PRKAG2: variants seen among roughly 807,000 people sequenced by gnomAD.
PRKAG2 encodes 5'-AMP-activated protein kinase subunit gamma-2.
In PRKAG2, 26 loss-of-function variants were observed where a neutral mutation model predicts 69.6. The observed-to-expected ratio is 0.37, with a 90% CI of 0.27 to 0.52. PRKAG2 has a LOEUF of 0.52. PRKAG2 is among the 20% of genes least tolerant of loss of function. The probability of loss-of-function intolerance (pLI) is 0.90; values close to 1 mark genes in which losing one functional copy is unlikely to be tolerated. For missense variants in PRKAG2, 557 were observed against 740.0 expected (o/e 0.75, Z 2.87); for synonymous variants, 293 against 285.0 (o/e 1.03, Z -0.28).
chr7:151,758,003 G>A (rs187758959), intron 3 of PRKAG2, among the ~76,000 whole-genome samples: 2 of 152,362 alleles, frequency 1.3e-5, no homozygotes, highest in East Asian at 3.9e-4. Context: ...TCTCAGTGCT[G>A]TAAATCTTCC....
intron 3 of PRKAG2, among the ~76,000 whole-genome samples, chr7:151,767,817 C>T (rs1408617783): frequency 4.6e-5 from 7 of 152,222 alleles, no homozygotes; most frequent in Non-Finnish European, 1.0e-4. Flanking sequence ...CTTAGACCTG[C>T]TCAAAGGAAG....
At chr7:151,728,432 T>C (rs892800647) in intron 3 of PRKAG2, among the ~76,000 whole-genome samples, 1 of 151,976 alleles carries the variant, frequency 6.6e-6, no homozygotes. Flanking sequence ...CTGAGTGAGG[T>C]CCTGTCTCAC....
intron 4 of PRKAG2, among the ~76,000 whole-genome samples, chr7:151,669,368 T>C (rs1831492685): frequency 6.6e-6 from 1 of 152,218 alleles, no homozygotes; most frequent in Admixed American, 6.5e-5. Flanking sequence ...ACAACGACCT[T>C]ATGTTACACA....
At chr7:151,785,446 G>T (rs1208502191) in intron 2 of PRKAG2, among the ~76,000 whole-genome samples, 1 of 152,240 alleles carries the variant, frequency 6.6e-6, no homozygotes, top group African/African-American at 2.4e-5. Flanking sequence ...TGCTGGATGG[G>T]CCACGAGAGC....
chr7:151,759,829 C>T (rs1010161105), intron 3 of PRKAG2, among the ~76,000 whole-genome samples: 10 of 152,262 alleles, frequency 6.6e-5, no homozygotes, highest in African/African-American at 9.6e-5. Flanking sequence ...CTCACCCAGA[C>T]TTTTTCTACG....
chr7:151,686,402 G>A (rs940925485), intron 3 of PRKAG2, among the ~76,000 whole-genome samples: 2 of 152,168 alleles, frequency 1.3e-5, no homozygotes, highest in Non-Finnish European at 2.9e-5. Context: ...TTCTATGGAA[G>A]AGCAAATTCC....
chr7:151,589,830 G>A (rs1190820530), intron 6 of PRKAG2, among the ~76,000 whole-genome samples: 3 of 152,202 alleles, frequency 2.0e-5, no homozygotes, highest in Non-Finnish European at 2.9e-5. Context: ...AGCTACTCAG[G>A]TGGGTGAGGC....
chr7:151,815,131 G>A (rs955857533), intron 1 of PRKAG2, among the ~76,000 whole-genome samples: 1 of 152,156 alleles, frequency 6.6e-6, no homozygotes, highest in Admixed American at 6.5e-5. Flanking sequence ...TGGCCAGAAG[G>A]ATGGGTATGG....
At chr7:151,843,058 G>A (rs972083460) in intron 1 of PRKAG2, among the ~76,000 whole-genome samples, 1 of 151,984 alleles carries the variant, frequency 6.6e-6, no homozygotes, top group Non-Finnish European at 1.5e-5. Context: ...ACACATACAC[G>A]CAGGCCATGC....
At chr7:151,697,867 C>T (rs769342989) in intron 3 of PRKAG2, among the ~76,000 whole-genome samples, 1 of 152,188 alleles carries the variant, frequency 6.6e-6, no homozygotes, top group Admixed American at 6.5e-5. Context: ...ACGGGTGTAA[C>T]GGGTCAAGGC....
chr7:151,658,156 C>CATAAATAAATAAATAAATAAATAA, intron 4 of PRKAG2, among the ~76,000 whole-genome samples: 1 of 120,846 alleles, frequency 8.3e-6, no homozygotes, highest in East Asian at 2.4e-4. Context: ...GAGTCCGTCT[C>CATAAATAAATAAATAAATAAATAA]ATAAATAAAT....
chr7:151,728,252 A>C (rs1415959853), intron 3 of PRKAG2, among the ~76,000 whole-genome samples: 4 of 152,160 alleles, frequency 2.6e-5, no homozygotes. Flanking sequence ...CGCTGAGAGC[A>C]CCTGGACTTT....
intron 3 of PRKAG2, among the ~76,000 whole-genome samples, chr7:151,737,781 A>T (rs1189939115): frequency 7.2e-5 from 11 of 152,224 alleles, no homozygotes; most frequent in Non-Finnish European, 1.5e-5. Context: ...GATGAGATAA[A>T]GATGGCTCCA....
At chr7:151,673,287 G>A (rs1404202613) in intron 4 of PRKAG2, among the ~76,000 whole-genome samples, 1 of 152,140 alleles carries the variant, frequency 6.6e-6, no homozygotes, top group Non-Finnish European at 1.5e-5. Flanking sequence ...ATGATCCCTA[G>A]TCAAAGCCTA....
intron 3 of PRKAG2, among the ~76,000 whole-genome samples, chr7:151,743,633 C>T (rs190686635): frequency 3.9e-5 from 6 of 152,320 alleles, no homozygotes; most frequent in South Asian, 2.1e-4. Flanking sequence ...GAAAGCTCCC[C>T]GATGACAGGT....
chr7:151,721,601 A>G (rs1420724531), intron 3 of PRKAG2, among the ~76,000 whole-genome samples: 2 of 152,192 alleles, frequency 1.3e-5, no homozygotes, highest in African/African-American at 4.8e-5. Flanking sequence ...AGTGGGGGAC[A>G]TATGCTAGGA....
intron 3 of PRKAG2, among the ~76,000 whole-genome samples, chr7:151,708,208 C>T (rs1838946652): frequency 6.6e-6 from 1 of 152,082 alleles, no homozygotes; most frequent in Admixed American, 6.5e-5. Flanking sequence ...CTCCATGCAG[C>T]CAGCTACTGT....
rs1221760293 is a variant in PRKAG2, at chr7:151,807,212, G to A, written c.115-20671C>T. ...CTAATTGTATACTGTCAGTCAAAGG[G>A]CATTATATGTAAATCACACCTCAAT... On this transcript the variant is annotated intron_variant, in intron 1 of 15. Transcript: ENST00000287878. The surrounding 1 kb of genome is among the most constrained non-coding windows in gnomAD (Gnocchi z 4.4). Among the ~76,000 whole-genome samples, 3 of 152,128 alleles carry A rather than the reference G, an allele frequency of 2.0e-5. No homozygotes were observed. The highest frequency in any genetic ancestry group is 4.4e-5 in the Non-Finnish European group (3 of 68,040).
intron 1 of PRKAG2, among the ~76,000 whole-genome samples, chr7:151,856,917 G>A (rs934434191): frequency 8.5e-5 from 13 of 152,074 alleles, no homozygotes; most frequent in African/African-American, 1.9e-4. Context: ...GAGAGAAAAC[G>A]GAGCAGAGAA....
Sources: allele counts gnomAD v4.1 joint callset (sites outside exome capture counted in the v4.1 genomes callset), GRCh38; gene constraint gnomAD v4.1.1; non-coding constraint Gnocchi (gnomAD v3.1); transcripts MANE v1.5; gene names NCBI Gene and HGNC (gene_info 2026-07-23, HGNC 2026-07-21).